Variants in NUMBL observed in about 807,000 individuals in gnomAD.
NUMBL encodes the protein NUMB like endocytic adaptor protein.
A neutral mutation model predicts 48.9 loss-of-function variants in NUMBL; 20 were observed. That is an observed-to-expected ratio of 0.41 (90% CI 0.29 to 0.59). The LOEUF is 0.59. Ranked by LOEUF, NUMBL falls within the 20% of genes least tolerant of loss-of-function variation. The pLI is 0.31. For missense variants in NUMBL, 660 were observed against 846.2 expected (o/e 0.78, Z 2.73); for synonymous variants, 340 against 348.7 (o/e 0.98, Z 0.28).
intron 7 of NUMBL, among the ~76,000 whole-genome samples, chr19:40,675,249 A>T (rs2081869442): frequency 6.6e-6 from 1 of 150,808 alleles, no homozygotes; most frequent in Admixed American, 6.6e-5. Flanking sequence ...TGAAACCAGG[A>T]GGCAGAGGTT....
At chr19:40,681,274 T>G (rs2081903996) in intron 5 of NUMBL, among the ~76,000 whole-genome samples, 1 of 151,902 alleles carries the variant, frequency 6.6e-6, no homozygotes, top group South Asian at 2.1e-4. Context: ...CAGGATGTGA[T>G]GAAGGAGGCC....
chr19:40,675,155 A>AAC (rs1357174029), intron 7 of NUMBL, among the ~76,000 whole-genome samples: 3 of 145,358 alleles, frequency 2.1e-5, no homozygotes, highest in Non-Finnish European at 4.5e-5. Context: ...AAAAAAAAAA[A>AAC]AAAAAAAAAA....
intron 8 of NUMBL, among the ~76,000 whole-genome samples, chr19:40,671,658 G>A (rs986434072): frequency 6.6e-6 from 1 of 152,172 alleles, no homozygotes; most frequent in East Asian, 1.9e-4. Flanking sequence ...TTACCTTTTG[G>A]AGCAGCCCAG....
chr19:40,689,852 T>TGG (rs534561220), intron 1 of NUMBL, among the ~76,000 whole-genome samples: 151 of 150,722 alleles, frequency 1.0e-3, no homozygotes, highest in African/African-American at 3.5e-3. Context: ...CAGGCTGGGG[T>TGG]GGGGTGGAGT....
chr19:40,677,866 G>A (rs1465519399), intron 6 of NUMBL, among the ~76,000 whole-genome samples: 1 of 152,076 alleles, frequency 6.6e-6, no homozygotes, highest in Non-Finnish European at 1.5e-5. Flanking sequence ...TCAGAATAGT[G>A]GTAGTTTCCT....
chr19:40,667,508 A>G lies in NUMBL; in HGVS notation c.1790T>C (p.Phe597Ser). The change falls in exon 10 of 10, where the codon TTT (phenylalanine) becomes TCT (serine). Residue 597 changes from phenylalanine to serine, a missense_variant. Phe to Ser is a radical substitution (Grantham distance 155). This residue lies in a region of NUMBL where 296 missense variants were observed against 339.7 expected (regional missense o/e 0.87). Coordinates refer to ENST00000252891, the MANE Select transcript of NUMBL (RefSeq NM_004756.5). The surrounding 1 kb of genome is among the most constrained non-coding windows in gnomAD (Gnocchi z 6.1). ...KATVEKPSNP[F>S]SGDLQKTFEI... is the part of the protein sequence containing the mutation. ...GAATGTCTTTTGCAGGTCGCCAGAA[A>G]AGGGGTTGGAGGGTTTCTCTACAGT... 1 of 1,593,928 alleles carries G rather than the reference A, an allele frequency of 6.3e-7. No individual in the cohort carries two copies. Among genetic ancestry groups the G allele is most frequent in the Non-Finnish European group, 8.5e-7 (1 of 1,170,064 alleles).
At position 40,688,944 on chromosome 19, in the gene NUMBL, A is replaced by G. The variant is rs1261817070; in HGVS notation, c.24+1516T>C. On this transcript the variant is annotated intron_variant, in intron 1 of 9. Transcript: ENST00000252891. The surrounding 1 kb of genome is among the most constrained non-coding windows in gnomAD (Gnocchi z 4.6). The stretch of plus-strand genomic sequence containing the variant: ...GTTCTGCATACGCAACCACTGTCAT[A>G]CACAATACTGTCACACAACCCCAGT... 6.6e-6 allele frequency among the ~76,000 whole-genome samples: 1 copy of G among 152,250 alleles called. No homozygotes were observed. The highest frequency in any genetic ancestry group is 1.5e-5 in the Non-Finnish European group (1 of 68,050).
At chr19:40,686,289 G>C (rs1156497439) in intron 2 of NUMBL, 1 of 152,520 alleles carries the variant, frequency 6.6e-6, no homozygotes, top group African/African-American at 2.4e-5. Flanking sequence ...CAAGTAGCTG[G>C]GATTACAGGC....
In NUMBL at chr19:40,673,507, G is replaced by A. The variant is rs1216063780; in HGVS notation, c.873C>T (p.Pro291=). The change falls in exon 8 of 10, where the codon CCC becomes CCT. Residue 291 remains proline (P), a synonymous_variant. Coordinates refer to ENST00000252891, the MANE Select transcript of NUMBL (RefSeq NM_004756.5). This position sits in a 1 kb window ranked among gnomAD's most constrained non-coding sequence, Gnocchi z 5.9. ...VAAGTTAAAI[P]RRHAPLEQLV... Reference sequence around the variant, plus strand: ...GCTGCTCCAGGGGTGCATGGCGCCGGGGGATGGCGGCCGCAGTGGTGCCTG... The same window carrying A: ...GCTGCTCCAGGGGTGCATGGCGCCGAGGGATGGCGGCCGCAGTGGTGCCTG... 1 of 1,575,792 alleles carries A rather than the reference G, an allele frequency of 6.3e-7. No homozygotes were observed. Among genetic ancestry groups the A allele is most frequent in the South Asian group, 1.2e-5 (1 of 86,514 alleles).
In NUMBL at chr19:40,684,546, G is replaced by A; in HGVS notation, c.120C>T (p.Gly40=). Residue 40 remains glycine (G), a synonymous_variant, in exon 3 of 10, where the codon GGC becomes GGT. Transcript: ENST00000252891. ...ETCRTEPDGA[G]TMNKLRQSLR... ...GGCTCTGCCGTAACTTGTTCATGGT[G>A]CCCGCCCCGTCTGGTGACACAGGAC... is the stretch of plus-strand genomic sequence containing the variant. 1 of 1,608,264 alleles carries A rather than the reference G, an allele frequency of 6.2e-7. No homozygotes were observed. The highest frequency in any genetic ancestry group is 1.1e-5 in the South Asian group (1 of 90,522).
At chr19:40,686,626 C>A (rs1376282495) in intron 2 of NUMBL, among the ~76,000 whole-genome samples, 1 of 152,014 alleles carries the variant, frequency 6.6e-6, no homozygotes, top group East Asian at 1.9e-4. Context: ...TGTGTCACTG[C>A]ATTAGCAAGT....
intron 8 of NUMBL, among the ~76,000 whole-genome samples, chr19:40,671,154 T>A (rs969531762): frequency 1.3e-5 from 2 of 152,120 alleles, no homozygotes; most frequent in Admixed American, 1.3e-4. Context: ...TTTTTAAAAT[T>A]TTTTTGTGGA....
chr19:40,669,977 G>A lies in NUMBL; in HGVS notation c.1080C>T (p.Ile360=). ...AACTGATCTGTGTGCACAGAGCGTT[G>A]ATGCTGTCACTGTCGCCGGCACCAG... ...EPPGAGDSDS[I]NALCTQISSS... is the part of the protein sequence containing the mutation. The change falls in exon 9 of 10, where the codon ATC becomes ATT. Residue 360 remains isoleucine (I), a synonymous_variant. Coordinates refer to ENST00000252891, the MANE Select transcript of NUMBL (RefSeq NM_004756.5). 1 of 1,614,058 alleles carries A rather than the reference G, an allele frequency of 6.2e-7. No homozygotes were observed. The highest frequency in any genetic ancestry group is 8.5e-7 in the Non-Finnish European group (1 of 1,179,972).
chr19:40,688,711 AT>A lies in NUMBL; in HGVS notation c.25-1717del, dbSNP rs1355639844. Among the ~76,000 whole-genome samples, 8 of 152,152 alleles carry A rather than the reference AT, an allele frequency of 5.3e-5. No homozygotes were observed. Among genetic ancestry groups the A allele is most frequent in the Non-Finnish European group, 1.2e-4 (8 of 68,020 alleles). On this transcript the variant is annotated intron_variant, in intron 1 of 9. Transcript: ENST00000252891. The surrounding 1 kb of genome is among the most constrained non-coding windows in gnomAD (Gnocchi z 4.6). ...TCATATACACACCCCTACAAACATA[AT>A]TTCCTGGCACCAGCACGGAGACACA...
In NUMBL at chr19:40,682,345, G is replaced by A. The variant is rs2081909208; in HGVS notation, c.399+383C>T. Among the ~76,000 whole-genome samples the A allele has an allele frequency of 6.6e-6, 1 of 151,838 alleles. No homozygotes were observed. Among genetic ancestry groups the A allele is most frequent in the African/African-American group, 2.4e-5 (1 of 41,300 alleles). The stretch of plus-strand genomic sequence containing the variant: ...TTCACCATATTGCCAGGCTGGTCTC[G>A]AACTCCTGACCTCAGGTAATCTACC... On this transcript the variant is annotated intron_variant, in intron 5 of 9. Coordinates refer to ENST00000252891, the MANE Select transcript of NUMBL (RefSeq NM_004756.5). This position sits in a 1 kb window ranked among gnomAD's most constrained non-coding sequence, Gnocchi z 4.0.
At chr19:40,672,734 A>G (rs971340019) in intron 8 of NUMBL, among the ~76,000 whole-genome samples, 1 of 152,182 alleles carries the variant, frequency 6.6e-6, no homozygotes, top group Non-Finnish European at 1.5e-5. Context: ...CACAGCAGAC[A>G]TTGCTAATTG....
chr19:40,684,852 G>T, intron 2 of NUMBL: 1 of 382,588 alleles, frequency 2.6e-6, no homozygotes, highest in South Asian at 3.9e-5. Context: ...TCAGGGCATT[G>T]GAGGGCTTCT....
chr19:40,671,918 T>C (rs912227444), intron 8 of NUMBL, among the ~76,000 whole-genome samples: 1 of 152,094 alleles, frequency 6.6e-6, no homozygotes, highest in Admixed American at 6.5e-5. Context: ...TCTCACTCTG[T>C]TGCCCAGGCT....
intron 6 of NUMBL, 92 bp downstream of exon 6, chr19:40,680,825 A>G (rs932006718): frequency 1.4e-4 from 188 of 1,354,908 alleles, no homozygotes; most frequent in Non-Finnish European, 1.8e-4. Context: ...CACAGAGGTT[A>G]GTGATGTGCC....
Sources: allele counts gnomAD v4.1 joint callset (sites outside exome capture counted in the v4.1 genomes callset), GRCh38; gene constraint gnomAD v4.1.1; regional missense constraint gnomAD v4.1.1; non-coding constraint Gnocchi (gnomAD v3.1); transcripts MANE v1.5; gene names NCBI Gene and HGNC (gene_info 2026-07-23, HGNC 2026-07-21).